TRMT1L: variants seen among roughly 807,000 people sequenced by gnomAD.
TRMT1L encodes the protein tRNA (guanine(27)-N(2))-dimethyltransferase.
A neutral mutation model predicts 81.6 loss-of-function variants in TRMT1L; 28 were observed. The observed-to-expected ratio is 0.34, with a 90% CI of 0.25 to 0.47. The LOEUF is 0.47. Among genes scored for constraint, TRMT1L ranks in the 20% least tolerant of loss-of-function variants. The pLI, the probability that TRMT1L is intolerant of heterozygous loss-of-function variation, is 1.00. For synonymous variants in TRMT1L, 301 were observed against 303.2 expected (o/e 0.99, Z 0.07); for missense variants, 739 against 877.1 (o/e 0.84, Z 1.99).
chr1:185,156,349 T>C (rs1571363963), intron 1 of TRMT1L, 129 bp downstream of exon 1: 1 of 1,601,870 alleles, frequency 6.2e-7, no homozygotes, highest in East Asian at 2.2e-5. Flanking sequence ...GGCCCCTCTT[T>C]CCTCCCCACC....
chr1:185,150,611 T>G (rs1229459108), intron 2 of TRMT1L, 119 bp from the exon 3 acceptor site: 1 of 696,350 alleles, frequency 1.4e-6, no homozygotes, highest in Non-Finnish European at 2.5e-6. Flanking sequence ...TTCTTAACTT[T>G]AGGGAGAAGT....
chr1:185,145,618 G>T (rs749865646), intron 4 of TRMT1L, 50 bp from the exon 5 acceptor site: 1 of 1,570,360 alleles, frequency 6.4e-7, no homozygotes. Flanking sequence ...CAATGAAACA[G>T]AAGTATATGT....
At chr1:185,155,534 T>C (rs1341005346) in intron 1 of TRMT1L, among the ~76,000 whole-genome samples, 1 of 152,198 alleles carries the variant, frequency 6.6e-6, no homozygotes, top group Non-Finnish European at 1.5e-5. Flanking sequence ...TCTATAACTA[T>C]CTAACCTTTT....
chr1:185,118,417 C>A lies in TRMT1L; in HGVS notation c.*1602G>T, dbSNP rs1418578445. 1 of 152,048 alleles carries A rather than the reference C, an allele frequency of 6.6e-6. No homozygotes were observed. Among genetic ancestry groups the A allele is most frequent in the Non-Finnish European group, 1.5e-5 (1 of 67,980 alleles). The allele number at this position is 152,048 out of a possible 1,614,324, so 9.4% of individuals were successfully genotyped here. ...GCATTAAGCCCAACTCATCACTGAT[C>A]AACATATTTCATGCTGATAAGCATT... On this transcript the variant is annotated 3_prime_UTR_variant, in exon 15 of 15. Coordinates refer to ENST00000367506, the MANE Select transcript of TRMT1L (RefSeq NM_030934.5).
At chr1:185,155,903 T>A (rs1363028539) in intron 1 of TRMT1L, among the ~76,000 whole-genome samples, 2 of 152,148 alleles carry the variant, frequency 1.3e-5, no homozygotes, top group Non-Finnish European at 2.9e-5. Context: ...ATCCGTAAAT[T>A]TAGTCGACTC....
chr1:185,134,610 T>C (rs1355214410), intron 10 of TRMT1L, among the ~76,000 whole-genome samples: 7 of 152,364 alleles, frequency 4.6e-5, no homozygotes, highest in African/African-American at 1.2e-4. Context: ...AAATAAATCA[T>C]TGCTTTATAG....
intron 13 of TRMT1L, among the ~76,000 whole-genome samples, chr1:185,123,341 G>C (rs531504670): frequency 1.3e-5 from 2 of 152,090 alleles, no homozygotes; most frequent in South Asian, 4.2e-4. Flanking sequence ...TTAGACATTA[G>C]GGCACTGATA....
chr1:185,127,759 CAAAAAAA>C (rs986438990), intron 11 of TRMT1L, among the ~76,000 whole-genome samples: 8 of 36,448 alleles, frequency 2.2e-4, no homozygotes, highest in South Asian at 9.7e-4. Flanking sequence ...AACTCTGTCT[CAAAAAAA>C]AAAAAAAAAA....
intron 4 of TRMT1L, among the ~76,000 whole-genome samples, chr1:185,145,841 A>G (rs1378285458): frequency 1.3e-5 from 2 of 151,966 alleles, no homozygotes; most frequent in Non-Finnish European, 2.9e-5. Context: ...GCATTTAAAA[A>G]TGGTGTAATG....
At chr1:185,153,801 G>A (rs1229466936) in intron 1 of TRMT1L, among the ~76,000 whole-genome samples, 1 of 152,118 alleles carries the variant, frequency 6.6e-6, no homozygotes, top group African/African-American at 2.4e-5. Flanking sequence ...GAGATGGTGG[G>A]ATAAACCACA....
intron 4 of TRMT1L, among the ~76,000 whole-genome samples, chr1:185,146,745 T>A (rs896350224): frequency 6.6e-6 from 1 of 152,046 alleles, no homozygotes; most frequent in Non-Finnish European, 1.5e-5. Flanking sequence ...TACTAAGATT[T>A]CTGAAAGTTT....
At chr1:185,120,631 T>A in intron 13 of TRMT1L, 122 bp from the exon 14 acceptor site, 3 of 845,854 alleles carry the variant, frequency 3.5e-6, no homozygotes, top group East Asian at 3.4e-5. Context: ...TATCCAATCT[T>A]AATTCTTATA....
chr1:185,146,761 T>C (rs557409663), intron 4 of TRMT1L, among the ~76,000 whole-genome samples: 101 of 152,168 alleles, frequency 6.6e-4, no homozygotes, highest in Non-Finnish European at 1.2e-3. Context: ...AGTTTCTTGA[T>C]TCTCTAAGAT....
chr1:185,150,495 TA>T lies in TRMT1L; in HGVS notation c.347-4del, dbSNP rs1557993083. The T allele has an allele frequency of 1.9e-6, 3 of 1,599,888 alleles. No homozygotes were observed. The highest frequency in any genetic ancestry group is 3.3e-4 in the Middle Eastern group (2 of 6,030). ...CAATGGACAAGCCTGTCTGTTGCCT[TA>T]AAAAGAAAAAAGAATCAATAAACAA... On this transcript the variant is annotated splice_polypyrimidine_tract_variant and splice_region_variant and intron_variant, in intron 2 of 14. Transcript: ENST00000367506.
Position 185,156,886 on chromosome 1 carries a change from G to A in TRMT1L, c.-174C>T. ...AAGAACCAGTGACCAAATCCTGTTA[G>A]TAGAAAACAGAAAGCCAGAGGCAGC... is the stretch of plus-strand genomic sequence containing the variant. On this transcript the variant is annotated 5_prime_UTR_variant, in exon 1 of 15. Transcript: ENST00000367506. The A allele has an allele frequency of 4.5e-6, 4 of 886,692 alleles. No homozygotes were observed. Among genetic ancestry groups the A allele is most frequent in the East Asian group, 3.1e-5 (1 of 32,242 alleles). 54.9% of individuals were successfully genotyped at this position (886,692 alleles called of 1,614,324 possible). A position where few individuals can be genotyped will look rare whatever the true frequency, so the allele number is the denominator to read the frequency against.
intron 9 of TRMT1L, among the ~76,000 whole-genome samples, chr1:185,138,019 C>T (rs1652943283): frequency 6.6e-6 from 1 of 152,130 alleles, no homozygotes; most frequent in African/African-American, 2.4e-5. Context: ...AGTTTCTAGA[C>T]ATTTTCCCTT....
In TRMT1L at chr1:185,156,384, A is replaced by G. The variant is rs966476172; in HGVS notation, c.235+94T>C. Reference sequence around the variant, plus strand: ...CATTTTCCTAAACCTGCCTTGCCCCATAAAAACCATCCCGGTGAAGGGCCT... The same window carrying G: ...CATTTTCCTAAACCTGCCTTGCCCCGTAAAAACCATCCCGGTGAAGGGCCT... On this transcript the variant is annotated intron_variant, in intron 1 of 14. Transcript: ENST00000367506. 3.1e-6 allele frequency: 5 copies of G among 1,611,900 alleles called. No individual in the cohort carries two copies. In the Admixed American group the frequency reaches 8.3e-5, roughly 27 times the overall value.
intron 1 of TRMT1L, among the ~76,000 whole-genome samples, chr1:185,152,429 G>A (rs991894264): frequency 1.3e-5 from 2 of 152,220 alleles, no homozygotes; most frequent in African/African-American, 4.8e-5. Context: ...GGTATGTTTG[G>A]GGGGATGGAG....
intron 2 of TRMT1L, among the ~76,000 whole-genome samples, chr1:185,150,748 T>C (rs567438447): frequency 1.3e-5 from 2 of 152,312 alleles, no homozygotes; most frequent in South Asian, 2.1e-4. Context: ...GGAACAAAGG[T>C]TGAAGAAGTG....
Sources: gnomAD v4.1 joint callset for allele counts (sites outside exome capture counted in the v4.1 genomes callset) on GRCh38, gnomAD v4.1.1 for gene constraint, MANE v1.5 for transcripts, NCBI Gene and HGNC (gene_info 2026-07-23, HGNC 2026-07-21) for gene names.